The following SPEN variants were observed in gnomAD, a reference collection of about 807,000 sequenced individuals.
The protein encoded by SPEN is spen family transcriptional repressor.
SPEN carries 18 observed loss-of-function variants against 269.9 expected under a neutral mutation model. The ratio of observed to expected loss-of-function variants is 0.07; its 90% CI spans 0.05 to 0.10. The LOEUF (loss-of-function observed/expected upper bound fraction) is 0.10, where lower values mean the gene tolerates loss of function less well. Ranked by LOEUF, SPEN falls within the 10% of genes least tolerant of loss-of-function variation. The pLI is 1.00. For missense variants in SPEN, 3,822 were observed against 4,631.2 expected (o/e 0.83, Z 5.07); for synonymous variants, 1,726 against 1,765.7 (o/e 0.98, Z 0.56).
intron 3 of SPEN, among the ~76,000 whole-genome samples, chr1:15,892,266 C>T (rs971916390): frequency 1.3e-5 from 2 of 151,686 alleles, no homozygotes; most frequent in African/African-American, 2.4e-5. Flanking sequence ...CCTCGTGATC[C>T]GCCCACCTCT....
Position 15,932,821 on chromosome 1 carries a change from C to T in SPEN, c.6581C>T (p.Ala2194Val), listed in dbSNP as rs2071235648. ...ASASAAYKAD[A>V]PEGLAPEDRD... Reference sequence around the variant, plus strand: ...GCCTCTGCTGCCTATAAGGCAGATGCACCAGAGGGCCTTGCCCCAGAGGAC... The same window carrying T: ...GCCTCTGCTGCCTATAAGGCAGATGTACCAGAGGGCCTTGCCCCAGAGGAC... Residue 2194 changes from alanine to valine, a missense_variant, in exon 11 of 15, where the codon GCA becomes GTA. By Grantham distance (64) the Ala-to-Val change is moderately conservative. Transcript: ENST00000375759. This position sits in a 1 kb window ranked among gnomAD's most constrained non-coding sequence, Gnocchi z 4.2. The T allele has an allele frequency of 6.2e-7, 1 of 1,614,214 alleles. No individual in the cohort carries two copies. The highest frequency in any genetic ancestry group is 1.1e-5 in the South Asian group (1 of 91,086).
intron 3 of SPEN, among the ~76,000 whole-genome samples, chr1:15,897,254 A>G (rs916689353): frequency 5.3e-5 from 8 of 152,160 alleles, no homozygotes; most frequent in Middle Eastern, 6.8e-3. Context: ...CAGTGGTTCA[A>G]TCTCGGCTCA....
chr1:15,914,412 A>T (rs1477073013), intron 5 of SPEN, among the ~76,000 whole-genome samples: 1 of 152,254 alleles, frequency 6.6e-6, no homozygotes, highest in Non-Finnish European at 1.5e-5. Context: ...AACACACAGT[A>T]GTTTCCTATA....
chr1:15,938,565 CTTTT>C (rs200567875), intron 13 of SPEN, 149 bp from the exon 14 acceptor site: 1,563 of 238,292 alleles, frequency 6.6e-3, no homozygotes, highest in East Asian at 0.018. Flanking sequence ...TGAAAAAAAG[CTTTT>C]TTTTTTTTTT....
intron 10 of SPEN, among the ~76,000 whole-genome samples, chr1:15,926,175 C>A (rs848204): frequency 0.15 from 22,514 of 152,006 alleles, 1,940 homozygotes; most frequent in Admixed American, 0.25. Flanking sequence ...GCGGGCAGAT[C>A]ACCAGAGGTC....
intron 3 of SPEN, among the ~76,000 whole-genome samples, chr1:15,890,106 T>C (rs1484222118): frequency 6.6e-6 from 1 of 152,216 alleles, no homozygotes; most frequent in Non-Finnish European, 1.5e-5. Flanking sequence ...TTTAAAAATG[T>C]CTTTGCAGAG....
chr1:15,921,403 C>T (rs927390910), intron 9 of SPEN, among the ~76,000 whole-genome samples: 2 of 152,190 alleles, frequency 1.3e-5, no homozygotes, highest in African/African-American at 2.4e-5. Flanking sequence ...TTACAAGACA[C>T]GTATGCTGTA....
rs778370522 is a variant in SPEN, at chr1:15,872,837, C to A, written c.105C>A (p.Val35=). 2.0e-6 allele frequency: 3 copies of A among 1,504,748 alleles called. No individual in the cohort carries two copies. Among genetic ancestry groups the A allele is most frequent in the Non-Finnish European group, 2.7e-6 (3 of 1,118,856 alleles). The allele number at this position is 1,504,748 out of a possible 1,614,324, so 93.2% of individuals were successfully genotyped here. A position where few individuals can be genotyped will look rare whatever the true frequency, so the allele number is the denominator to read the frequency against. The part of the protein sequence containing the change: ...HFKRYGRVES[V]KILPKRGSEG... ...CCAGATATGGCCGCGTGGAAAGTGT[C>A]AAAATTCTTCCCAAGAGGGGATCTG... Residue 35 remains valine (V), a synonymous_variant, in exon 2 of 15, where the codon GTC becomes GTA. Coordinates refer to ENST00000375759, the MANE Select transcript of SPEN (RefSeq NM_015001.3).
In SPEN at chr1:15,922,491, A is replaced by G; in HGVS notation, c.1850+142A>G. ...GAGAATGCTTCTCTTTTATCACTTC[A>G]TATGGAAACACAGGTTTATTTTTTT... On this transcript the variant is annotated intron_variant, in intron 10 of 14. Transcript: ENST00000375759. 5.1e-6 allele frequency: 3 copies of G among 592,828 alleles called. 1 individual carries two copies. The South Asian group carries it at 7.2e-5, about 14-fold the overall frequency. The allele number at this position is 592,828 out of a possible 1,614,324, so 36.7% of individuals were successfully genotyped here. A position where few individuals can be genotyped will look rare whatever the true frequency, so the allele number is the denominator to read the frequency against.
At chr1:15,905,764 C>T (rs964649643) in intron 3 of SPEN, among the ~76,000 whole-genome samples, 33 of 149,288 alleles carry the variant, frequency 2.2e-4, no homozygotes, top group African/African-American at 5.7e-4. Flanking sequence ...TAGTAGAGAC[C>T]GGGTTTCACC....
intron 1 of SPEN, among the ~76,000 whole-genome samples, chr1:15,861,578 A>G (rs1175729669): frequency 6.6e-6 from 1 of 152,190 alleles, no homozygotes; most frequent in Admixed American, 6.5e-5. Flanking sequence ...CAGCAGTTGT[A>G]CTGTAAATAA....
intron 3 of SPEN, among the ~76,000 whole-genome samples, chr1:15,878,893 G>A (rs769442124): frequency 8.7e-5 from 13 of 150,062 alleles, no homozygotes; most frequent in Non-Finnish European, 1.5e-4. Context: ...GCCTGTAATC[G>A]CAGTTACTCA....
intron 3 of SPEN, among the ~76,000 whole-genome samples, chr1:15,887,858 G>A (rs369620440): frequency 1.7e-4 from 25 of 150,480 alleles, no homozygotes; most frequent in South Asian, 1.5e-3. Flanking sequence ...CAGTCTCTAC[G>A]AAAAAAATAC....
At chr1:15,870,473 C>T (rs530469646) in intron 1 of SPEN, among the ~76,000 whole-genome samples, 14 of 152,208 alleles carry the variant, frequency 9.2e-5, no homozygotes, top group African/African-American at 2.2e-4. Flanking sequence ...GATCATAAAA[C>T]GACTCAGATG....
In SPEN at chr1:15,928,182, C is replaced by T; in HGVS notation, c.1942C>T (p.Arg648Trp). Residue 648 changes from arginine to tryptophan, a missense_variant, in exon 11 of 15, where the codon CGG (arginine) becomes TGG (tryptophan). Arg to Trp is a moderately radical substitution (Grantham distance 101). This residue lies in a region of SPEN where 230 missense variants were observed against 426.1 expected (regional missense o/e 0.54). Coordinates refer to ENST00000375759, the MANE Select transcript of SPEN (RefSeq NM_015001.3). The surrounding 1 kb of genome is among the most constrained non-coding windows in gnomAD (Gnocchi z 5.7). ...AGGCACTTATCCTGAGGATTCCAGG[C>T]GGGACTATCCAGCTCGAGGGAGAGA... ...TPGTYPEDSR[R>W]DYPARGREFY... 3 of 1,614,072 alleles carry T rather than the reference C, an allele frequency of 1.9e-6. No individual in the cohort carries two copies. The highest frequency in any genetic ancestry group is 2.2e-5 in the East Asian group (1 of 44,880).
In SPEN at chr1:15,919,406, G is replaced by C; in HGVS notation, c.1524G>C (p.Leu508=). 6.3e-7 allele frequency: 1 copy of C among 1,585,180 alleles called. No individual in the cohort carries two copies. Among genetic ancestry groups the C allele is most frequent in the Non-Finnish European group, 8.5e-7 (1 of 1,171,632 alleles). The change falls in exon 8 of 15, where the codon CTG becomes CTC. Residue 508 remains leucine (L), a splice_region_variant and synonymous_variant. Coordinates refer to ENST00000375759, the MANE Select transcript of SPEN (RefSeq NM_015001.3). ...GAAATTTTGCCTTTTATATTCAGCTGGGTTTTGGAAAGAGCATGCCTACAA... is the reference window on the plus strand; with the variant it reads ...GAAATTTTGCCTTTTATATTCAGCTCGGTTTTGGAAAGAGCATGCCTACAA... ...GEYLGNNRLK[L]GFGKSMPTNC... is the part of the protein sequence containing the mutation.
At chr1:15,927,842 G>T (rs2071182604) in intron 10 of SPEN, among the ~76,000 whole-genome samples, 1 of 152,060 alleles carries the variant, frequency 6.6e-6, no homozygotes, top group Admixed American at 6.6e-5. Context: ...AGTCTAAATT[G>T]TTGTTTTTCT....
rs144877889 is a variant in SPEN, at chr1:15,928,799, T to C, written c.2559T>C (p.Ser853=). 22 of 1,612,592 alleles carry C rather than the reference T, an allele frequency of 1.4e-5. No individual in the cohort carries two copies. The highest frequency in any genetic ancestry group is 2.7e-5 in the African/African-American group (2 of 74,422). ...EREQSPEKPR[S]CNKLSREKAD... Reference sequence around the variant, plus strand: ...AGCAAAGCCCTGAAAAGCCCAGGAGTTGTAATAAACTGAGCAGAGAGAAAG... The same window carrying C: ...AGCAAAGCCCTGAAAAGCCCAGGAGCTGTAATAAACTGAGCAGAGAGAAAG... The change falls in exon 11 of 15, where the codon AGT becomes AGC. Residue 853 remains serine (S), a synonymous_variant. Transcript: ENST00000375759. The surrounding 1 kb of genome is among the most constrained non-coding windows in gnomAD (Gnocchi z 5.7).
intron 5 of SPEN, among the ~76,000 whole-genome samples, chr1:15,914,661 A>G (rs1256354877): frequency 2.6e-5 from 4 of 152,134 alleles, no homozygotes; most frequent in Non-Finnish European, 4.4e-5. Context: ...CGTCTCTACT[A>G]AAAATACAAA....
Sources: allele counts gnomAD v4.1 joint callset (sites outside exome capture counted in the v4.1 genomes callset), GRCh38; gene constraint gnomAD v4.1.1; regional missense constraint gnomAD v4.1.1; non-coding constraint Gnocchi (gnomAD v3.1); transcripts MANE v1.5; gene names NCBI Gene and HGNC (gene_info 2026-07-23, HGNC 2026-07-21).